The following COL14A1 variants were observed in gnomAD, a reference collection of about 807,000 sequenced individuals.
COL14A1 encodes collagen type XIV alpha 1 chain.
In COL14A1, 136 loss-of-function variants were observed where a neutral mutation model predicts 230.3. The ratio of observed to expected loss-of-function variants is 0.59; its 90% CI spans 0.51 to 0.68. The LOEUF (loss-of-function observed/expected upper bound fraction) is 0.68. Among genes scored for constraint, COL14A1 ranks in the 30% least tolerant of loss-of-function variants. The pLI is 0.00. For synonymous variants in COL14A1, 792 were observed against 784.1 expected (o/e 1.01, Z -0.17); for missense variants, 1,976 against 2,215.8 (o/e 0.89, Z 2.17).
chr8:120,334,263 G>A (rs1055594262), intron 42 of COL14A1, among the ~76,000 whole-genome samples: 1 of 152,148 alleles, frequency 6.6e-6, no homozygotes, highest in African/African-American at 2.4e-5. Context: ...ACCCATACAG[G>A]TTATGCACAT....
intron 40 of COL14A1, among the ~76,000 whole-genome samples, chr8:120,330,724 C>T (rs1295819544): frequency 6.6e-6 from 1 of 152,160 alleles, no homozygotes; most frequent in Admixed American, 6.5e-5. Flanking sequence ...ACTCACACAC[C>T]GTTTCCTTTC....
chr8:120,255,115 T>C, intron 22 of COL14A1, 125 bp from the exon 23 acceptor site: 1 of 733,690 alleles, frequency 1.4e-6, no homozygotes, highest in South Asian at 1.6e-5. Flanking sequence ...CATTGTAAAT[T>C]GATGGATTTC....
Position 120,231,476 on chromosome 8 carries a change from C to G in COL14A1, c.2207C>G (p.Thr736Arg), listed in dbSNP as rs369897267. The G allele has an allele frequency of 6.2e-7, 1 of 1,612,004 alleles. No individual in the cohort carries two copies. Residue 736 changes from threonine to arginine, a missense_variant, in exon 19 of 48, where the codon ACG becomes AGG. Coordinates refer to ENST00000297848, the MANE Select transcript of COL14A1 (RefSeq NM_021110.4). Reference protein sequence around the residue: ...PTTSVTSVFQTGIRNLVVGDE... With the variant: ...PTTSVTSVFQRGIRNLVVGDE... ...GTTGTGTTTATTCCAGTTTTCCAGA[C>G]GGGAATCAGAAACCTAGTTGTAGGT...
intron 42 of COL14A1, among the ~76,000 whole-genome samples, chr8:120,338,545 T>A (rs1319291081): frequency 6.6e-6 from 1 of 152,192 alleles, no homozygotes; most frequent in African/African-American, 2.4e-5. Context: ...GTTAATCTTA[T>A]AGGAGTATTA....
chr8:120,206,932 T>G lies in COL14A1; in HGVS notation c.1040-11T>G. 1 of 1,592,724 alleles carries G rather than the reference T, an allele frequency of 6.3e-7. No individual in the cohort carries two copies. Among genetic ancestry groups the G allele is most frequent in the Non-Finnish European group, 8.5e-7 (1 of 1,173,592 alleles). On this transcript the variant is annotated splice_polypyrimidine_tract_variant and intron_variant, in intron 9 of 47. Transcript: ENST00000297848. ...GGTAAGAGGTTTATTTGATATGTTT[T>G]TTTAATTTAGCCTCAGCCCATGCCA...
At chr8:120,289,966 A>G (rs1015058275) in intron 34 of COL14A1, among the ~76,000 whole-genome samples, 200 bp downstream of exon 34, 2 of 152,188 alleles carry the variant, frequency 1.3e-5, no homozygotes, top group African/African-American at 2.4e-5. Flanking sequence ...AGACATGTAC[A>G]TTCAAAGCTT....
intron 5 of COL14A1, among the ~76,000 whole-genome samples, chr8:120,191,928 C>G (rs1211653498): frequency 6.6e-6 from 1 of 151,850 alleles, no homozygotes; most frequent in Non-Finnish European, 1.5e-5. Flanking sequence ...TTATTTTGAG[C>G]CTATGTATGT....
At chr8:120,268,266 T>C (rs1054957105) in intron 25 of COL14A1, among the ~76,000 whole-genome samples, 16 of 151,790 alleles carry the variant, frequency 1.1e-4, no homozygotes, top group Admixed American at 5.3e-4. Context: ...TCTTTCTTCT[T>C]CCAGCTTCAT....
chr8:120,335,237 G>A (rs1455057368), intron 42 of COL14A1, among the ~76,000 whole-genome samples: 6 of 152,168 alleles, frequency 3.9e-5, no homozygotes, highest in African/African-American at 1.4e-4. Flanking sequence ...CTCTGGATTA[G>A]ACTCTAAATA....
At chr8:120,260,020 C>T (rs1007821700) in intron 23 of COL14A1, among the ~76,000 whole-genome samples, 2 of 152,110 alleles carry the variant, frequency 1.3e-5, no homozygotes, top group Non-Finnish European at 2.9e-5. Flanking sequence ...ATCTCACAAA[C>T]ACTTTAACAA....
At chr8:120,243,493 A>G (rs1818669448) in intron 19 of COL14A1, among the ~76,000 whole-genome samples, 1 of 152,298 alleles carries the variant, frequency 6.6e-6, no homozygotes, top group East Asian at 1.9e-4. Context: ...TTGCAAGAGG[A>G]TACTTAAGTA....
At chr8:120,211,951 C>A (rs562934203) in intron 12 of COL14A1, among the ~76,000 whole-genome samples, 1 of 152,216 alleles carries the variant, frequency 6.6e-6, no homozygotes, top group Non-Finnish European at 1.5e-5. Flanking sequence ...AATTCAACTG[C>A]GTGGATTCTC....
rs557963597 is a variant in COL14A1 at position 120,228,656 on chromosome 8, T to C, written c.2138-54T>C. On this transcript the variant is annotated intron_variant, in intron 17 of 47. Transcript: ENST00000297848. ...GTTCTTTGAAAGCTACAACATGCTATAGAAAAATGGACAGTTGTTTTTGCA... is the reference window on the plus strand; with the variant it reads ...GTTCTTTGAAAGCTACAACATGCTACAGAAAAATGGACAGTTGTTTTTGCA... The C allele has an allele frequency of 4.4e-6, 6 of 1,368,700 alleles. No individual in the cohort carries two copies. In the South Asian group the frequency reaches 5.9e-5, roughly 13 times the overall value. 84.8% of individuals were successfully genotyped at this position (1,368,700 alleles called of 1,614,324 possible).
intron 33 of COL14A1, among the ~76,000 whole-genome samples, chr8:120,286,454 G>A (rs1820205304): frequency 6.6e-6 from 1 of 152,020 alleles, no homozygotes; most frequent in Non-Finnish European, 1.5e-5. Flanking sequence ...TTACCCTGCG[G>A]AAAAATTTTA....
In COL14A1 at chr8:120,280,751, T is replaced by C. The variant is rs894694426; in HGVS notation, c.3685+2T>C. The C allele has an allele frequency of 4.3e-6, 7 of 1,612,974 alleles. No homozygotes were observed. Among genetic ancestry groups the C allele is most frequent in the Non-Finnish European group, 5.9e-6 (7 of 1,179,518 alleles). On this transcript the variant is annotated splice_donor_variant, in intron 30 of 47. Transcript: ENST00000297848. LOFTEE classifies it high-confidence loss of function. The stretch of plus-strand genomic sequence containing the variant: ...ACAAGGATGGCATTGATCTTGCAGG[T>C]ATGCATTATCACAATCTTTTCAAAC...
At position 120,225,483 on chromosome 8, in the gene COL14A1, AT is replaced by A. The variant is rs566017124; in HGVS notation, c.1864+270del. 5.0e-3 allele frequency among the ~76,000 whole-genome samples: 758 copies of A among 152,258 alleles called. 3 individuals carry two copies. The highest frequency in any genetic ancestry group is 9.1e-3 in the Non-Finnish European group (616 of 68,014). On this transcript the variant is annotated intron_variant, in intron 15 of 47. Coordinates refer to ENST00000297848, the MANE Select transcript of COL14A1 (RefSeq NM_021110.4). ...TGTATGTTTTTCTCTTCCTAATCTT[AT>A]ATCTTTTACTTTCATTCCTTAGTGT...
chr8:120,177,079 G>A (rs987733822), intron 5 of COL14A1, among the ~76,000 whole-genome samples: 13 of 152,040 alleles, frequency 8.6e-5, no homozygotes, highest in Non-Finnish European at 1.2e-4. Context: ...ACACAGCTTA[G>A]GTATTCAAAT....
rs367764359 is a variant in COL14A1 at position 120,193,528 on chromosome 8, C to T, written c.437-3263C>T. Among the ~76,000 whole-genome samples the T allele has an allele frequency of 2.2e-4, 34 of 152,318 alleles. No individual in the cohort carries two copies. The East Asian group carries it at 5.2e-3, about 23-fold the overall frequency. On this transcript the variant is annotated intron_variant, in intron 5 of 47. Coordinates refer to ENST00000297848, the MANE Select transcript of COL14A1 (RefSeq NM_021110.4). ...GACCCACTTGAGGAGGCAGTCTGCTCGTTCTCAGATCTCCAGCTGCATGCT... is the reference window on the plus strand; with the variant it reads ...GACCCACTTGAGGAGGCAGTCTGCTTGTTCTCAGATCTCCAGCTGCATGCT...
chr8:120,316,047 C>A (rs1821217628), intron 40 of COL14A1, 50 bp downstream of exon 40: 2 of 1,571,914 alleles, frequency 1.3e-6, no homozygotes, highest in South Asian at 1.1e-5. Flanking sequence ...ACCTTTTCAC[C>A]AGGTCACTCT....
Sources: allele counts gnomAD v4.1 joint callset (sites outside exome capture counted in the v4.1 genomes callset), GRCh38; gene constraint gnomAD v4.1.1; transcripts MANE v1.5; gene names NCBI Gene and HGNC (gene_info 2026-07-23, HGNC 2026-07-21).